The following CNNM4 variants were observed in gnomAD, a reference collection of about 807,000 sequenced individuals.
CNNM4 encodes the protein cyclin and CBS domain divalent metal cation transport mediator 4, also known as metal transporter CNNM4.
CNNM4 carries 32 observed loss-of-function variants against 53.7 expected under a neutral mutation model. The ratio of observed to expected loss-of-function variants is 0.60; its 90% CI spans 0.45 to 0.80. The LOEUF (loss-of-function observed/expected upper bound fraction) is 0.80, where lower values mean the gene tolerates loss of function less well. Among genes scored for constraint, CNNM4 ranks in the 30% least tolerant of loss-of-function variants. The pLI is 0.00. For synonymous variants in CNNM4, 410 were observed against 440.0 expected, an observed-to-expected ratio of 0.93 and a Z score of 0.85; for missense variants, 784 against 1,022.0, an observed-to-expected ratio of 0.77 and a Z score of 3.17.
chr2:96,809,356 T>G lies in CNNM4; in HGVS notation c.2167T>G (p.Ser723Ala). The change falls in exon 7 of 7, where the codon TCT (serine) becomes GCT (alanine). Residue 723 changes from serine (S) to alanine (A), a missense_variant. Physicochemically the swap from Ser to Ala is moderately conservative, Grantham distance 99. Around this residue, in one of 3 missense-constraint regions of CNNM4, gnomAD observed 307 missense variants for 376.3 expected, o/e 0.82. Coordinates refer to ENST00000377075, the MANE Select transcript of CNNM4 (RefSeq NM_020184.4). ...GCAGTACCAGAACGGGCTGCTGGCTTCTCGCATGGAGAACAGCCCTCAGTT... is the reference window on the plus strand; with the variant it reads ...GCAGTACCAGAACGGGCTGCTGGCTGCTCGCATGGAGAACAGCCCTCAGTT... ...RQQYQNGLLA[S>A]RMENSPQFPI... The G allele has an allele frequency of 6.2e-7, 1 of 1,614,132 alleles. No homozygotes were observed.
At chr2:96,805,440 A>AATTT (rs2079194974) in intron 5 of CNNM4, among the ~76,000 whole-genome samples, 10 of 87,460 alleles carry the variant, frequency 1.1e-4, no homozygotes, top group Non-Finnish European at 2.2e-4. Flanking sequence ...TTTTTTTTTT[A>AATTT]TTATTTTTTT....
At chr2:96,770,631 G>A (rs912739706) in intron 1 of CNNM4, among the ~76,000 whole-genome samples, 4 of 152,152 alleles carry the variant, frequency 2.6e-5, no homozygotes, top group Non-Finnish European at 5.9e-5. Flanking sequence ...CGGACTTGGC[G>A]GTGCGGATCC....
chr2:96,776,029 T>G (rs936078846), intron 1 of CNNM4, among the ~76,000 whole-genome samples: 19 of 139,274 alleles, frequency 1.4e-4, no homozygotes, highest in African/African-American at 5.4e-5. Context: ...CCATTGTGGT[T>G]TTTTTTTTTT....
chr2:96,773,593 A>T (rs1453774624), intron 1 of CNNM4, among the ~76,000 whole-genome samples: 1 of 152,184 alleles, frequency 6.6e-6, no homozygotes, highest in African/African-American at 2.4e-5. Flanking sequence ...CTGTAATCCC[A>T]GCACTTTGGG....
chr2:96,763,440 A>T (rs2078783813), intron 1 of CNNM4, among the ~76,000 whole-genome samples: 1 of 152,208 alleles, frequency 6.6e-6, no homozygotes, highest in Admixed American at 6.5e-5. Context: ...GGAGGCAGAA[A>T]GGGAAGCTCT....
chr2:96,771,971 C>G (rs1265745590), intron 1 of CNNM4, among the ~76,000 whole-genome samples: 1 of 152,108 alleles, frequency 6.6e-6, no homozygotes, highest in South Asian at 2.1e-4. Flanking sequence ...GGAGCATTCC[C>G]CAGAGGTTAC....
chr2:96,767,167 G>A (rs1158122082), intron 1 of CNNM4, among the ~76,000 whole-genome samples: 1 of 152,168 alleles, frequency 6.6e-6, no homozygotes, highest in Non-Finnish European at 1.5e-5. Flanking sequence ...TAAGGCAGGG[G>A]TACAGCCTTG....
intron 1 of CNNM4, among the ~76,000 whole-genome samples, chr2:96,763,113 G>C (rs2078780990): frequency 6.6e-6 from 1 of 152,140 alleles, no homozygotes; most frequent in Non-Finnish European, 1.5e-5. Context: ...GCCAAGTAGC[G>C]CTTTCGACTA....
In CNNM4 at chr2:96,797,383, C is replaced by G; in HGVS notation, c.1547-130C>G. On this transcript the variant is annotated intron_variant, in intron 2 of 6. Transcript: ENST00000377075. This position sits in a 1 kb window ranked among gnomAD's most constrained non-coding sequence, Gnocchi z 6.0. ...TTGTGCCTCGGCGTCAGCCCAGGAC[C>G]CTGCCAGCCAGAGCCTGCTGCTCCT... 2.0e-6 allele frequency: 3 copies of G among 1,465,472 alleles called. No individual in the cohort carries two copies. Among genetic ancestry groups the G allele is most frequent in the Non-Finnish European group, 2.8e-6 (3 of 1,058,826 alleles). The allele number at this position is 1,465,472 out of a possible 1,614,324, so 90.8% of individuals were successfully genotyped here. A position where few individuals can be genotyped will look rare whatever the true frequency, so the allele number is the denominator to read the frequency against.
At chr2:96,798,086 A>G (rs2153349481) in intron 3 of CNNM4, among the ~76,000 whole-genome samples, 1 of 152,054 alleles carries the variant, frequency 6.6e-6, no homozygotes, top group Non-Finnish European at 1.5e-5. Context: ...TTGGGAGGCT[A>G]TGAGGTGGGA....
intron 1 of CNNM4, among the ~76,000 whole-genome samples, chr2:96,794,337 A>G (rs962208326): frequency 8.5e-5 from 13 of 152,192 alleles, no homozygotes; most frequent in African/African-American, 2.9e-4. Flanking sequence ...GGGTATATAG[A>G]GAGGCAAAAT....
intron 1 of CNNM4, among the ~76,000 whole-genome samples, chr2:96,785,053 T>G (rs1246401834): frequency 6.6e-6 from 1 of 151,994 alleles, no homozygotes; most frequent in Non-Finnish European, 1.5e-5. Context: ...AATTTGTGTG[T>G]TTTTAGTAGA....
At chr2:96,799,866 A>G (rs1190033983) in intron 5 of CNNM4, among the ~76,000 whole-genome samples, 7 of 152,054 alleles carry the variant, frequency 4.6e-5, no homozygotes, top group Non-Finnish European at 1.0e-4. Context: ...TGGAGGGGAA[A>G]AGAGGAGTGA....
chr2:96,779,607 G>T (rs1358888603), intron 1 of CNNM4, among the ~76,000 whole-genome samples: 1 of 151,424 alleles, frequency 6.6e-6, no homozygotes, highest in East Asian at 1.9e-4. Flanking sequence ...GGGTCTCTCT[G>T]GACTCTTAGA....
chr2:96,788,686 C>T (rs2079035167), intron 1 of CNNM4: 1 of 152,276 alleles, frequency 6.6e-6, no homozygotes, highest in African/African-American at 2.4e-5. Flanking sequence ...AGGGCCCAAG[C>T]CTGTGGCTTC....
At chr2:96,770,532 G>A (rs372679621) in intron 1 of CNNM4, among the ~76,000 whole-genome samples, 372 of 152,308 alleles carry the variant, frequency 2.4e-3, no homozygotes, top group African/African-American at 8.5e-3. Context: ...GACAAGACCC[G>A]AAGGCTGAGA....
intron 1 of CNNM4, among the ~76,000 whole-genome samples, chr2:96,779,806 A>AT (rs776999926): frequency 1.2e-3 from 165 of 141,772 alleles, no homozygotes; most frequent in Non-Finnish European, 1.5e-3. Flanking sequence ...AAGACTTGAC[A>AT]TTTTTTTTTT....
At chr2:96,769,425 C>A (rs1428719841) in intron 1 of CNNM4, among the ~76,000 whole-genome samples, 2 of 144,322 alleles carry the variant, frequency 1.4e-5, no homozygotes, top group Non-Finnish European at 1.5e-5. Context: ...AAAAATTAGG[C>A]GTGGTGGTGG....
intron 1 of CNNM4, among the ~76,000 whole-genome samples, chr2:96,774,392 T>C (rs1465326166): frequency 6.6e-6 from 1 of 152,076 alleles, no homozygotes; most frequent in Non-Finnish European, 1.5e-5. Flanking sequence ...TCAGCCTGGG[T>C]GGCAGAGCGA....
Sources: gnomAD v4.1 joint callset for allele counts (sites outside exome capture counted in the v4.1 genomes callset) on GRCh38, gnomAD v4.1.1 for gene constraint, gnomAD v4.1.1 regional missense constraint, Gnocchi (gnomAD v3.1) non-coding constraint, MANE v1.5 for transcripts, NCBI Gene and HGNC (gene_info 2026-07-23, HGNC 2026-07-21) for gene names.